The following MACROD1 variants were observed in gnomAD, a reference collection of about 807,000 sequenced individuals.
MACROD1 encodes mono-ADP ribosylhydrolase 1, also known as ADP-ribose glycohydrolase MACROD1.
MACROD1 carries 31 observed loss-of-function variants against 41.4 expected under a neutral mutation model. That is an observed-to-expected ratio of 0.75 (90% CI 0.56 to 1.01). The LOEUF (loss-of-function observed/expected upper bound fraction) is 1.01. Ranked by LOEUF, MACROD1 falls within the 50% of genes least tolerant of loss-of-function variation. The pLI, the probability that MACROD1 is intolerant of heterozygous loss-of-function variation, is 0.00. For missense variants in MACROD1, 473 were observed against 460.0 expected, an observed-to-expected ratio of 1.03 and a Z score of -0.26; for synonymous variants, 252 against 203.4, an observed-to-expected ratio of 1.24 and a Z score of -2.03.
At chr11:64,031,142 G>A (rs890921115) in intron 3 of MACROD1, among the ~76,000 whole-genome samples, 8 of 152,120 alleles carry the variant, frequency 5.3e-5, no homozygotes, top group East Asian at 1.9e-4. Flanking sequence ...CAGCCTCCCC[G>A]GTGCCAGTGG....
chr11:64,016,877 G>A (rs1478276650), intron 3 of MACROD1, among the ~76,000 whole-genome samples: 1 of 152,234 alleles, frequency 6.6e-6, no homozygotes, highest in East Asian at 1.9e-4. Context: ...CCACAATGGG[G>A]TGCCCAGGCT....
chr11:64,093,867 C>T (rs1377182833), intron 3 of MACROD1, among the ~76,000 whole-genome samples: 1 of 152,246 alleles, frequency 6.6e-6, no homozygotes, highest in African/African-American at 2.4e-5. Flanking sequence ...TCCATTAATA[C>T]AGCCTGTGCA....
rs1943374650 is a variant in MACROD1 at position 64,036,080 on chromosome 11, G to C, written c.518-20799C>G. The C allele has an allele frequency of 6.6e-6, 1 of 151,700 alleles. No homozygotes were observed. The highest frequency in any genetic ancestry group is 1.5e-5 in the Non-Finnish European group (1 of 67,914). 9.4% of individuals were successfully genotyped at this position (151,700 alleles called of 1,614,324 possible). ...CGCCCTCCGGCTCTGGTTCCCGCCC[G>C]CTCCTTGGAATAACCCCTGAGGCTC... On this transcript the variant is annotated intron_variant, in intron 3 of 10. Transcript: ENST00000255681. The surrounding 1 kb of genome is among the most constrained non-coding windows in gnomAD (Gnocchi z 5.6).
At chr11:64,054,502 C>T (rs1174178196) in intron 3 of MACROD1, among the ~76,000 whole-genome samples, 1 of 152,114 alleles carries the variant, frequency 6.6e-6, no homozygotes, top group African/African-American at 2.4e-5. Flanking sequence ...CGGCAGCCCT[C>T]ACCCCTTGCA....
chr11:64,123,484 T>A (rs552621877), intron 3 of MACROD1, among the ~76,000 whole-genome samples: 1 of 139,096 alleles, frequency 7.2e-6, no homozygotes, highest in African/African-American at 2.6e-5. Flanking sequence ...TTTATGAACC[T>A]GCCCCAAGTG....
chr11:64,086,946 G>A (rs1015533148), intron 3 of MACROD1: 2 of 152,186 alleles, frequency 1.3e-5, no homozygotes, highest in Non-Finnish European at 1.5e-5. Flanking sequence ...TGATGGCGGG[G>A]TATGAAGAGA....
At chr11:64,062,400 G>A (rs1302248913) in intron 3 of MACROD1, among the ~76,000 whole-genome samples, 2 of 152,160 alleles carry the variant, frequency 1.3e-5, no homozygotes, top group African/African-American at 4.8e-5. Flanking sequence ...TCTTATGTCT[G>A]CCTAGCCCTC....
In MACROD1 at chr11:64,151,329, T is replaced by C; in HGVS notation, c.427A>G (p.Arg143Gly). ...KGVAVKVEEPRYKKDKQLNEK... is the reference protein window; with the variant it reads ...KGVAVKVEEPGYKKDKQLNEK... The stretch of plus-strand genomic sequence containing the variant: ...TTGAGCTGCTTGTCCTTTTTATACC[T>C]GGGCTCCTCCACCTTCACAGCCACC... Residue 143 changes from arginine (R) to glycine (G), a missense_variant, in exon 3 of 11, where the codon AGG becomes GGG. Arg to Gly is a moderately radical substitution (Grantham distance 125). Transcript: ENST00000255681. 1 of 1,613,776 alleles carries C rather than the reference T, an allele frequency of 6.2e-7. No homozygotes were observed. The highest frequency in any genetic ancestry group is 8.5e-7 in the Non-Finnish European group (1 of 1,179,960).
chr11:64,116,332 T>C, intron 3 of MACROD1: 1 of 1,611,230 alleles, frequency 6.2e-7, no homozygotes, highest in Non-Finnish European at 8.5e-7. Context: ...ACGGCCACCG[T>C]TGTGATGACC....
chr11:64,148,308 C>G (rs913397205), intron 3 of MACROD1, among the ~76,000 whole-genome samples: 1 of 152,342 alleles, frequency 6.6e-6, no homozygotes, highest in East Asian at 1.9e-4. Context: ...CTGCACCCTT[C>G]CCCTCCACAT....
intron 3 of MACROD1, among the ~76,000 whole-genome samples, chr11:64,057,082 C>T (rs1190654335): frequency 6.6e-6 from 1 of 152,230 alleles, no homozygotes; most frequent in Admixed American, 6.5e-5. Flanking sequence ...TGCGTCGCAC[C>T]AGCTCTCACG....
In MACROD1 at chr11:64,005,974, C is replaced by T. The variant is rs142173253; in HGVS notation, c.548-5631G>A. Among the ~76,000 whole-genome samples, 84 of 152,348 alleles carry T rather than the reference C, an allele frequency of 5.5e-4. No individual in the cohort carries two copies. The East Asian group carries it at 0.015, about 27-fold the overall frequency. On this transcript the variant is annotated intron_variant, in intron 4 of 10. Coordinates refer to ENST00000255681, the MANE Select transcript of MACROD1 (RefSeq NM_014067.4). Reference sequence around the variant, plus strand: ...GCACAGCCTGGAGGGCATTGGCAGCCAAGCCTCGGTGCAGCCCATGCTGGT... The same window carrying T: ...GCACAGCCTGGAGGGCATTGGCAGCTAAGCCTCGGTGCAGCCCATGCTGGT...
rs58221880 is a variant in MACROD1 at position 64,057,754 on chromosome 11, A to C, written c.518-42473T>G. ...GGGGTGCCTGACATGGCCCAGGAGG[A>C]GGAAGGGGACAGCCACTTGTTGAGC... On this transcript the variant is annotated intron_variant, in intron 3 of 10. Transcript: ENST00000255681. Among the ~76,000 whole-genome samples the C allele has an allele frequency of 3.4e-3, 518 of 152,330 alleles. 2 individuals carry two copies. Among genetic ancestry groups the C allele is most frequent in the African/African-American group, 0.012 (501 of 41,572 alleles).
At chr11:64,157,139 C>T (rs1183269329) in intron 1 of MACROD1, among the ~76,000 whole-genome samples, 1 of 152,150 alleles carries the variant, frequency 6.6e-6, no homozygotes, top group Non-Finnish European at 1.5e-5. Flanking sequence ...GTCACCCAGG[C>T]TGGAGTGCAG....
chr11:64,081,442 C>A (rs1190816834), intron 3 of MACROD1, among the ~76,000 whole-genome samples: 1 of 152,206 alleles, frequency 6.6e-6, no homozygotes, highest in Non-Finnish European at 1.5e-5. Context: ...CCAGCTGTGA[C>A]CCTCATACAG....
intron 3 of MACROD1, among the ~76,000 whole-genome samples, chr11:64,104,916 A>G (rs1011942758): frequency 6.6e-6 from 1 of 152,054 alleles, no homozygotes; most frequent in Non-Finnish European, 1.5e-5. Flanking sequence ...CAAAAACACA[A>G]ATCCCAGCAA....
At chr11:64,073,487 A>C (rs1258811382) in intron 3 of MACROD1, among the ~76,000 whole-genome samples, 3 of 152,126 alleles carry the variant, frequency 2.0e-5, no homozygotes, top group African/African-American at 7.2e-5. Context: ...ATGAAACTGG[A>C]GGTTGGTGGA....
At chr11:64,136,635 C>T (rs998659254) in intron 3 of MACROD1, among the ~76,000 whole-genome samples, 8 of 152,216 alleles carry the variant, frequency 5.3e-5, no homozygotes, top group Non-Finnish European at 1.2e-4. Context: ...GCCTTCAGGG[C>T]AGACCCACCG....
At chr11:64,086,173 C>T (rs72918432) in intron 3 of MACROD1, among the ~76,000 whole-genome samples, 25,366 of 152,220 alleles carry the variant, frequency 0.17, 2,644 homozygotes, top group Non-Finnish European at 0.24. Flanking sequence ...CGGGACTCAA[C>T]AGTGGGATCC....
Sources: allele counts gnomAD v4.1 joint callset (sites outside exome capture counted in the v4.1 genomes callset), GRCh38; gene constraint gnomAD v4.1.1; non-coding constraint Gnocchi (gnomAD v3.1); transcripts MANE v1.5; gene names NCBI Gene and HGNC (gene_info 2026-07-23, HGNC 2026-07-21).